Variants in BCAR3 observed in about 807,000 individuals in gnomAD.
BCAR3 encodes the protein BCAR3 adaptor protein, NSP family member.
BCAR3 carries 37 observed loss-of-function variants against 80.1 expected under a neutral mutation model. The ratio of observed to expected loss-of-function variants is 0.46; its 90% CI spans 0.36 to 0.61. The LOEUF is 0.61. BCAR3 is among the 20% of genes least tolerant of loss of function. The pLI, the probability that BCAR3 is intolerant of heterozygous loss-of-function variation, is 0.00. For missense variants in BCAR3, 978 were observed against 1,068.2 expected, an observed-to-expected ratio of 0.92 and a Z score of 1.18; for synonymous variants, 389 against 418.9, an observed-to-expected ratio of 0.93 and a Z score of 0.87.
At chr1:93,655,540 T>C (rs1330396270) in intron 2 of BCAR3, among the ~76,000 whole-genome samples, 1 of 152,236 alleles carries the variant, frequency 6.6e-6, no homozygotes, top group Non-Finnish European at 1.5e-5. Flanking sequence ...GCCTGGCACA[T>C]GGCAGGCACT....
rs180858948 is a variant in BCAR3 at position 93,714,045 on chromosome 1, C to T, written c.-62-7903G>A. 6.7e-4 allele frequency among the ~76,000 whole-genome samples: 102 copies of T among 152,200 alleles called. 1 individual carries two copies. The highest frequency in any genetic ancestry group is 2.0e-3 in the Admixed American group (30 of 15,288). On this transcript the variant is annotated intron_variant, in intron 2 of 13. Transcript: ENST00000370244. ...TTACCCAGGCTGGAGTGCAGTGGTG[C>T]GATCTCAGCTCACTGCAAGCTCCGC... is the stretch of plus-strand genomic sequence containing the variant.
intron 2 of BCAR3, among the ~76,000 whole-genome samples, chr1:93,728,305 G>GCAGGT (rs1357601492): frequency 8.5e-5 from 13 of 152,238 alleles, no homozygotes; most frequent in Admixed American, 8.5e-4. Flanking sequence ...ACACAGACGG[G>GCAGGT]CAGGTCGTGG....
intron 2 of BCAR3, among the ~76,000 whole-genome samples, chr1:93,667,806 T>A (rs947515277): frequency 2.6e-5 from 4 of 152,214 alleles, no homozygotes; most frequent in Non-Finnish European, 5.9e-5. Flanking sequence ...TGAGGGCATA[T>A]CAGCCATGTG....
chr1:93,762,500 G>A (rs985820760), intron 2 of BCAR3, among the ~76,000 whole-genome samples: 1 of 152,208 alleles, frequency 6.6e-6, no homozygotes, highest in African/African-American at 2.4e-5. Context: ...AGCAAGGGCA[G>A]CAGGAGGACA....
intron 3 of BCAR3, chr1:93,599,425 A>T (rs1379004166): frequency 6.6e-6 from 1 of 152,270 alleles, no homozygotes; most frequent in Non-Finnish European, 1.5e-5. Context: ...ACTTGTGACC[A>T]AAGCAGTCCT....
chr1:93,681,978 A>T (rs1571041432), upstream of BCAR3: 1 of 151,558 alleles, frequency 6.6e-6, no homozygotes, highest in African/African-American at 2.4e-5. Flanking sequence ...CTCTGCCCGG[A>T]TTTTAGAGTT....
intron 2 of BCAR3, among the ~76,000 whole-genome samples, chr1:93,801,833 A>G (rs569539827): frequency 7.2e-5 from 11 of 152,294 alleles, no homozygotes; most frequent in Admixed American, 1.3e-4. Context: ...AAAATGTTTA[A>G]AATTGGCCAG....
intron 2 of BCAR3, among the ~76,000 whole-genome samples, chr1:93,812,720 C>T (rs1429437696): frequency 6.6e-6 from 1 of 152,222 alleles, no homozygotes; most frequent in Non-Finnish European, 1.5e-5. Context: ...TCCTCACAGG[C>T]ATTACCCCTC....
At chr1:93,828,861 T>A (rs1229266961) in intron 2 of BCAR3, among the ~76,000 whole-genome samples, 1 of 151,930 alleles carries the variant, frequency 6.6e-6, no homozygotes, top group Non-Finnish European at 1.5e-5. Context: ...CCCGGCTAAT[T>A]TTTGTATTTT....
chr1:93,672,374 C>A (rs1382672557), intron 2 of BCAR3, among the ~76,000 whole-genome samples: 1 of 151,898 alleles, frequency 6.6e-6, no homozygotes, highest in African/African-American at 2.4e-5. Flanking sequence ...TGGCACCTAG[C>A]CAGGGCCTCA....
chr1:93,748,491 C>T (rs575729272), intron 2 of BCAR3, among the ~76,000 whole-genome samples: 1 of 152,178 alleles, frequency 6.6e-6, no homozygotes. Context: ...GGATCAGATA[C>T]TTTGATTATT....
At chr1:93,845,537 C>A (rs553801623) in intron 2 of BCAR3, 2 of 122,598 alleles carry the variant, frequency 1.6e-5, no homozygotes, top group East Asian at 4.6e-4. Context: ...ATTAAATAGG[C>A]CTGGCACCAA....
At chr1:93,677,698 AC>A (rs1338599675) in intron 1 of BCAR3, among the ~76,000 whole-genome samples, 1 of 152,188 alleles carries the variant, frequency 6.6e-6, no homozygotes, top group Non-Finnish European at 1.5e-5. Flanking sequence ...CGATGCTGTA[AC>A]ATGCCAACTA....
chr1:93,787,500 A>G (rs1256467917), intron 2 of BCAR3, among the ~76,000 whole-genome samples: 2 of 152,154 alleles, frequency 1.3e-5, no homozygotes, highest in Non-Finnish European at 2.9e-5. Context: ...AAAGGTTTTG[A>G]TAAGTTGTGT....
At chr1:93,565,987 TCAGCCTTC>T (rs1204955973) in intron 11 of BCAR3, among the ~76,000 whole-genome samples, 4 of 152,162 alleles carry the variant, frequency 2.6e-5, no homozygotes, top group African/African-American at 4.8e-5. Context: ...CAGCAAACCT[TCAGCCTTC>T]CAGCCTTCCT....
intron 2 of BCAR3, among the ~76,000 whole-genome samples, chr1:93,830,958 T>C (rs1193131971): frequency 6.6e-6 from 1 of 152,020 alleles, no homozygotes; most frequent in Non-Finnish European, 1.5e-5. Context: ...CTCGCTACCC[T>C]TCAATCTCCC....
chr1:93,645,965 G>GA (rs149086601), intron 2 of BCAR3, among the ~76,000 whole-genome samples: 3,400 of 151,536 alleles, frequency 0.022, 130 homozygotes, highest in African/African-American at 0.078. Flanking sequence ...TTTTTAACTA[G>GA]AAAAAAGGAA....
chr1:93,650,155 C>T (rs954542738), intron 2 of BCAR3, among the ~76,000 whole-genome samples: 3 of 152,128 alleles, frequency 2.0e-5, no homozygotes, highest in Admixed American at 6.5e-5. Context: ...GAGGCCGAGG[C>T]AGGCAGATCA....
At chr1:93,587,905 T>C (rs1275753576) in intron 5 of BCAR3, among the ~76,000 whole-genome samples, 3 of 152,112 alleles carry the variant, frequency 2.0e-5, no homozygotes, top group South Asian at 2.1e-4. Context: ...ACGGGCCCTA[T>C]ACAAATGCAG....
Sources: allele counts gnomAD v4.1 joint callset (sites outside exome capture counted in the v4.1 genomes callset), GRCh38; gene constraint gnomAD v4.1.1; transcripts MANE v1.5; gene names NCBI Gene and HGNC (gene_info 2026-07-23, HGNC 2026-07-21).